The following FAM72B variants were observed in gnomAD, a reference collection of about 807,000 sequenced individuals.
The protein encoded by FAM72B is protein FAM72B.
Under a neutral mutation model 12.6 loss-of-function variants are expected in FAM72B, and 4 were observed. The observed-to-expected ratio is 0.32, with a 90% CI of 0.16 to 0.73. FAM72B has a LOEUF of 0.73. FAM72B is among the 30% of genes least tolerant of loss of function. FAM72B has a pLI of 0.67. For synonymous variants in FAM72B, 13 were observed against 53.9 expected (o/e 0.24, Z 3.32); for missense variants, 61 against 158.4 (o/e 0.39, Z 3.30).
In FAM72B at chr1:121,183,674, A is replaced by G. The variant is rs1302885583; in HGVS notation, c.-185T>C. 2.0e-5 allele frequency: 19 copies of G among 935,262 alleles called. No homozygotes were observed. The highest frequency in any genetic ancestry group is 2.7e-5 in the Non-Finnish European group (17 of 633,128). 57.9% of individuals were successfully genotyped at this position (935,262 alleles called of 1,614,324 possible). A position where few individuals can be genotyped will look rare whatever the true frequency, so the allele number is the denominator to read the frequency against. On this transcript the variant is annotated 5_prime_UTR_variant, in exon 1 of 4. Transcript: ENST00000369390. ...CGGTGGCGGAGTAGAAGAAGTATTT[A>G]TTGAGTAGGAACAGGGGAGCGTGGC...
intron 1 of FAM72B, chr1:121,182,871 G>A (rs1376303659): frequency 8.8e-5 from 8 of 91,040 alleles, no homozygotes; most frequent in Admixed American, 2.5e-4. Flanking sequence ...TGAATTTGAT[G>A]AACAACGGAT....
At chr1:121,178,774 G>C (rs1466083330) in intron 2 of FAM72B, among the ~76,000 whole-genome samples, 8 of 150,622 alleles carry the variant, frequency 5.3e-5, no homozygotes, top group Non-Finnish European at 1.0e-4. Context: ...CTGCTCCCTG[G>C]TTAAAACCTC....
chr1:121,180,693 C>T (rs1553317517), intron 2 of FAM72B, among the ~76,000 whole-genome samples: 1 of 151,236 alleles, frequency 6.6e-6, no homozygotes, highest in East Asian at 2.0e-4. Flanking sequence ...GACCCTATTG[C>T]TACAAAAATA....
At chr1:121,174,369 C>CTTTTT (rs56969749) in intron 3 of FAM72B, among the ~76,000 whole-genome samples, 3 of 141,946 alleles carry the variant, frequency 2.1e-5, no homozygotes, top group Non-Finnish European at 4.6e-5. Context: ...CTTTTCTTTT[C>CTTTTT]TTTTTTTTTT....
Position 121,178,793 on chromosome 1 carries a change from C to T in FAM72B, c.231-1461G>A, listed in dbSNP as rs1475877127. ...TCCCTGGTTAAAACCTCTTCAATAG[C>T]CAAAAATGAAAATAAAAACCTTTCC... On this transcript the variant is annotated intron_variant, in intron 2 of 3. Transcript: ENST00000369390. Among the ~76,000 whole-genome samples, 9 of 147,236 alleles carry T rather than the reference C, an allele frequency of 6.1e-5. No homozygotes were observed. In the East Asian group the frequency reaches 1.7e-3, roughly 27 times the overall value.
Position 121,183,599 on chromosome 1 carries a change from T to C in FAM72B, c.-110A>G. 5.0e-6 allele frequency: 8 copies of C among 1,602,738 alleles called. No homozygotes were observed. Among genetic ancestry groups the C allele is most frequent in the Non-Finnish European group, 6.8e-6 (8 of 1,176,334 alleles). On this transcript the variant is annotated 5_prime_UTR_variant, in exon 1 of 4. Coordinates refer to ENST00000369390, the MANE Select transcript of FAM72B (RefSeq NM_001100910.2). ...ATTCAAGTTGCGGGACCTAGAGCTT[T>C]TCTAAGTCCTAATATTGGGAAGGAA...
chr1:121,169,822 G>A (rs1553315943), intron 3 of FAM72B, among the ~76,000 whole-genome samples: 2 of 151,770 alleles, frequency 1.3e-5, no homozygotes. Flanking sequence ...GAAGAATGAA[G>A]CACAGGTATA....
chr1:121,176,343 A>AT (rs199612268), intron 3 of FAM72B, among the ~76,000 whole-genome samples: 3 of 71,570 alleles, frequency 4.2e-5, no homozygotes, highest in Admixed American at 1.3e-4. Context: ...TAATTTTTGT[A>AT]TTTTTTTTTG....
chr1:121,174,444 C>T (rs1490975875), intron 3 of FAM72B, among the ~76,000 whole-genome samples: 8 of 142,014 alleles, frequency 5.6e-5, no homozygotes, highest in South Asian at 4.4e-4. Context: ...CTTGGCTCAC[C>T]GCAACCTCCG....
At chr1:121,175,203 C>T (rs1210375640) in intron 3 of FAM72B, among the ~76,000 whole-genome samples, 34 of 152,146 alleles carry the variant, frequency 2.2e-4, no homozygotes, top group Middle Eastern at 6.8e-3. Flanking sequence ...AAAGCCTGGA[C>T]GACAGCAAAT....
At chr1:121,173,002 G>A (rs1202034480) in intron 3 of FAM72B, among the ~76,000 whole-genome samples, 4 of 136,774 alleles carry the variant, frequency 2.9e-5, no homozygotes, top group Middle Eastern at 3.6e-3. Flanking sequence ...GCTTGAACCC[G>A]GGAGGCAGAG....
chr1:121,179,564 A>G (rs1654286125), intron 2 of FAM72B, among the ~76,000 whole-genome samples: 1 of 152,178 alleles, frequency 6.6e-6, no homozygotes, highest in Non-Finnish European at 1.5e-5. Flanking sequence ...GCGGTGGCTC[A>G]CGCCTGTAAT....
intron 2 of FAM72B, among the ~76,000 whole-genome samples, chr1:121,181,013 C>T (rs1479870269): frequency 1.3e-5 from 2 of 151,880 alleles, no homozygotes; most frequent in Non-Finnish European, 2.9e-5. Context: ...GGTGTTTCTC[C>T]CCCCTAACCT....
chr1:121,174,312 T>C (rs1553316566), intron 3 of FAM72B, among the ~76,000 whole-genome samples: 1 of 152,024 alleles, frequency 6.6e-6, no homozygotes, highest in African/African-American at 2.4e-5. Context: ...CCAGAAAATC[T>C]AGCTAAGATT....
At chr1:121,169,730 AG>A (rs775433443) in intron 3 of FAM72B, among the ~76,000 whole-genome samples, 13 of 151,936 alleles carry the variant, frequency 8.6e-5, no homozygotes, top group Non-Finnish European at 1.8e-4. Context: ...ACTGAACTTT[AG>A]GGCCAGGTTG....
At chr1:121,179,464 A>G (rs1427235215) in intron 2 of FAM72B, among the ~76,000 whole-genome samples, 4 of 150,438 alleles carry the variant, frequency 2.7e-5, no homozygotes, top group Admixed American at 1.3e-4. Context: ...CAGGTGGATC[A>G]CTTGAGGTCA....
At position 121,168,809 on chromosome 1, in the gene FAM72B, A is replaced by T. The variant is rs1371454173; in HGVS notation, c.382T>A (p.Leu128Met). ...TCTGTACTCTCTTCTATCTCTGGCA[A>T]GTTGCCCCAAAGTAGGATGTTTACA... Reference protein sequence around the residue: ...TGVNILLWGNLPEIEESTDED... With the variant: ...TGVNILLWGNMPEIEESTDED... The change falls in exon 4 of 4, where the codon TTG becomes ATG. Residue 128 changes from leucine (L) to methionine (M), a missense_variant. By Grantham distance (15) the Leu-to-Met change is conservative. Around this residue, in one of 2 missense-constraint regions of FAM72B, gnomAD observed 49 missense variants for 80.4 expected, o/e 0.61. Transcript: ENST00000369390. 5 of 1,609,110 alleles carry T rather than the reference A, an allele frequency of 3.1e-6. No individual in the cohort carries two copies. Among genetic ancestry groups the T allele is most frequent in the Non-Finnish European group, 4.2e-6 (5 of 1,178,910 alleles).
At chr1:121,170,003 C>T (rs587679904) in intron 3 of FAM72B, among the ~76,000 whole-genome samples, 2 of 152,024 alleles carry the variant, frequency 1.3e-5, no homozygotes, top group African/African-American at 4.8e-5. Context: ...CGGAGTCTCG[C>T]TCTATTGCCC....
chr1:121,180,323 C>A (rs1426831114), intron 2 of FAM72B, among the ~76,000 whole-genome samples: 12 of 99,990 alleles, frequency 1.2e-4, no homozygotes, highest in African/African-American at 6.0e-4. Flanking sequence ...AGGCGGATCA[C>A]CTGAGGTTGG....
Sources: gnomAD v4.1 joint callset for allele counts (sites outside exome capture counted in the v4.1 genomes callset) on GRCh38, gnomAD v4.1.1 for gene constraint, gnomAD v4.1.1 regional missense constraint, MANE v1.5 for transcripts, NCBI Gene and HGNC (gene_info 2026-07-23, HGNC 2026-07-21) for gene names.